GABBR1: variants seen among roughly 807,000 people sequenced by gnomAD.
The protein encoded by GABBR1 is gamma-aminobutyric acid type B receptor subunit 1.
In GABBR1, 35 loss-of-function variants were observed where a neutral mutation model predicts 117.7. The ratio of observed to expected loss-of-function variants is 0.30; its 90% CI spans 0.23 to 0.39. The LOEUF (loss-of-function observed/expected upper bound fraction) is 0.39, where lower values mean the gene tolerates loss of function less well. Ranked by LOEUF, GABBR1 falls within the 10% of genes least tolerant of loss-of-function variation. GABBR1 has a pLI of 1.00. For missense variants in GABBR1, 709 were observed against 1,241.8 expected, an observed-to-expected ratio of 0.57 and a Z score of 6.45; for synonymous variants, 442 against 486.6, an observed-to-expected ratio of 0.91 and a Z score of 1.21.
Position 29,607,236 on chromosome 6 carries a change from G to A in GABBR1, c.1993-18C>T. The A allele has an allele frequency of 6.3e-7, 1 of 1,594,690 alleles. No individual in the cohort carries two copies. Among genetic ancestry groups the A allele is most frequent in the Non-Finnish European group, 8.6e-7 (1 of 1,162,822 alleles). ...AGGCGGGCCTAGAAAGGAAGAGAGG[G>A]CACAGGCAGAACAGGGTAGAGTAGT... On this transcript the variant is annotated intron_variant, in intron 16 of 22. Coordinates refer to ENST00000377034, the MANE Select transcript of GABBR1 (RefSeq NM_001470.4). This position sits in a 1 kb window ranked among gnomAD's most constrained non-coding sequence, Gnocchi z 5.0.
chr6:29,629,537 C>T (rs1021394424), intron 4 of GABBR1, among the ~76,000 whole-genome samples: 2 of 152,144 alleles, frequency 1.3e-5, no homozygotes, highest in Non-Finnish European at 2.9e-5. Flanking sequence ...TATTAGAGCA[C>T]AGGAAGAGGG....
chr6:29,604,317 C>T lies in GABBR1; in HGVS notation c.2712+177G>A, dbSNP rs1442330413. Among the ~76,000 whole-genome samples, 1 of 152,138 alleles carries T rather than the reference C, an allele frequency of 6.6e-6. No homozygotes were observed. On this transcript the variant is annotated intron_variant, in intron 22 of 22. Coordinates refer to ENST00000377034, the MANE Select transcript of GABBR1 (RefSeq NM_001470.4). The surrounding 1 kb of genome is among the most constrained non-coding windows in gnomAD (Gnocchi z 5.3). Reference sequence around the variant, plus strand: ...TTGCCTGAGATAGAATCTTGCTCAGCCCTTTCCCCTCCCCTATGCTGCTCC... The same window carrying T: ...TTGCCTGAGATAGAATCTTGCTCAGTCCTTTCCCCTCCCCTATGCTGCTCC...
At chr6:29,628,228 G>A (rs1424751732) in intron 5 of GABBR1, 5 of 940,400 alleles carry the variant, frequency 5.3e-6, no homozygotes, top group Non-Finnish European at 6.3e-6. Context: ...GGAAAGGAAC[G>A]AAAGAGGAAG....
In GABBR1 at chr6:29,603,537, C is replaced by T. The variant is rs1419788023; in HGVS notation, c.*6G>A. ...CCCTACTGGCCTGTCCTCCCTCACC[C>T]TACCCTCACTTATAAAGCAAATGCA... is the stretch of plus-strand genomic sequence containing the variant. On this transcript the variant is annotated 3_prime_UTR_variant, in exon 23 of 23. Coordinates refer to ENST00000377034, the MANE Select transcript of GABBR1 (RefSeq NM_001470.4). The T allele has an allele frequency of 1.9e-6, 3 of 1,558,830 alleles. No individual in the cohort carries two copies. The highest frequency in any genetic ancestry group is 1.2e-5 in the South Asian group (1 of 83,294).
At position 29,606,430 on chromosome 6, in the gene GABBR1, G is replaced by T; in HGVS notation, c.2272C>A (p.Leu758Met). ...ATCTTCCTGGAGCTGCAATGCTCCA[G>T]CTGGGGCAGAATAGAGACGTCAATA... ...EDIDVSILPQ[L>M]EHCSSRKMNT... Residue 758 changes from leucine to methionine, a missense_variant, in exon 19 of 23, where the codon CTG (leucine) becomes ATG (methionine). This residue lies in a region of GABBR1 where 251 missense variants were observed against 445.3 expected (regional missense o/e 0.56). Transcript: ENST00000377034. This position sits in a 1 kb window ranked among gnomAD's most constrained non-coding sequence, Gnocchi z 4.5. 6.2e-7 allele frequency: 1 copy of T among 1,612,952 alleles called. No individual in the cohort carries two copies. Among genetic ancestry groups the T allele is most frequent in the Non-Finnish European group, 8.5e-7 (1 of 1,179,856 alleles).
rs1761947673 is a variant in GABBR1, at chr6:29,606,308, C to T, written c.2311+83G>A. 4.2e-6 allele frequency: 4 copies of T among 942,610 alleles called. No individual in the cohort carries two copies. Among genetic ancestry groups the T allele is most frequent in the South Asian group, 1.3e-5 (1 of 76,034 alleles). The allele number at this position is 942,610 out of a possible 1,614,324, so 58.4% of individuals were successfully genotyped here. On this transcript the variant is annotated intron_variant, in intron 19 of 22. Transcript: ENST00000377034. This position sits in a 1 kb window ranked among gnomAD's most constrained non-coding sequence, Gnocchi z 4.5. ...AGCTCTCTACCTCCTCTTCCAAAGA[C>T]CCCTCTCCCTCCAAGCCCTCTACCC...
At chr6:29,614,561 A>G (rs1418609297) in intron 11 of GABBR1, among the ~76,000 whole-genome samples, 1 of 152,240 alleles carries the variant, frequency 6.6e-6, no homozygotes, top group Admixed American at 6.5e-5. Context: ...TTGCTACTAC[A>G]CTGGGCTTTG....
rs1438353100 is a variant in GABBR1, at chr6:29,605,056, C to T, written c.2440-68G>A. 15 of 1,486,308 alleles carry T rather than the reference C, an allele frequency of 1.0e-5. No homozygotes were observed. The highest frequency in any genetic ancestry group is 1.4e-5 in the Non-Finnish European group (15 of 1,109,210). 92.1% of individuals were successfully genotyped at this position (1,486,308 alleles called of 1,614,324 possible). A position where few individuals can be genotyped will look rare whatever the true frequency, so the allele number is the denominator to read the frequency against. ...TCAGACAAGATCCAGAGTTTACTTC[C>T]CATGGGAGGGAGTCTATGCAGACAG... On this transcript the variant is annotated intron_variant, in intron 20 of 22. Transcript: ENST00000377034. This position sits in a 1 kb window ranked among gnomAD's most constrained non-coding sequence, Gnocchi z 4.2.
At chr6:29,624,071 CCT>C (rs1764028941) in intron 6 of GABBR1, 47 bp from the exon 7 acceptor site, 1 of 1,532,582 alleles carries the variant, frequency 6.5e-7, no homozygotes, top group Non-Finnish European at 8.8e-7. Context: ...GGGCCCCTCC[CCT>C]GTCTGCAATT....
chr6:29,610,346 T>C (rs563899960), intron 14 of GABBR1, among the ~76,000 whole-genome samples: 1 of 152,196 alleles, frequency 6.6e-6, no homozygotes, highest in South Asian at 2.1e-4. Flanking sequence ...GGTGCACTGT[T>C]CGGGTGACAG....
At chr6:29,616,083 C>T (rs1019634179) in intron 11 of GABBR1, among the ~76,000 whole-genome samples, 1 of 152,128 alleles carries the variant, frequency 6.6e-6, no homozygotes, top group African/African-American at 2.4e-5. Flanking sequence ...TGCCTGTAAT[C>T]CCAGCTACTC....
chr6:29,604,383 T>G lies in GABBR1; in HGVS notation c.2712+111A>C. The G allele has an allele frequency of 7.3e-7, 1 of 1,371,352 alleles. No homozygotes were observed. Among genetic ancestry groups the G allele is most frequent in the Non-Finnish European group, 1.0e-6 (1 of 970,300 alleles). The allele number at this position is 1,371,352 out of a possible 1,614,324, so 84.9% of individuals were successfully genotyped here. ...GTTGTCTCCTAGGACCCTCCCTCCATGAGCCAAGAACATCTGACCCTGTAT... is the reference window on the plus strand; with the variant it reads ...GTTGTCTCCTAGGACCCTCCCTCCAGGAGCCAAGAACATCTGACCCTGTAT... On this transcript the variant is annotated intron_variant, in intron 22 of 22. Coordinates refer to ENST00000377034, the MANE Select transcript of GABBR1 (RefSeq NM_001470.4). This position sits in a 1 kb window ranked among gnomAD's most constrained non-coding sequence, Gnocchi z 5.3.
Position 29,622,803 on chromosome 6 carries a change from C to T in GABBR1, c.963+502G>A, listed in dbSNP as rs966026912. Among the ~76,000 whole-genome samples the T allele has an allele frequency of 6.6e-6, 1 of 152,002 alleles. No individual in the cohort carries two copies. ...GGCTTCTCTCTCTTAGTACCAACTA[C>T]CAGATCCATGCAGCTGCCTTTCTGC... On this transcript the variant is annotated intron_variant, in intron 8 of 22. Transcript: ENST00000377034. The surrounding 1 kb of genome is among the most constrained non-coding windows in gnomAD (Gnocchi z 4.6).
At position 29,604,050 on chromosome 6, in the gene GABBR1, C is replaced by A. The variant is rs1314616358; in HGVS notation, c.2713-334G>T. ...GTGTCAACCCAGTTGGAACATCCCT[C>A]TCTTTGGCATTGCACCAGCCCCTAA... On this transcript the variant is annotated intron_variant, in intron 22 of 22. Transcript: ENST00000377034. This position sits in a 1 kb window ranked among gnomAD's most constrained non-coding sequence, Gnocchi z 5.3. 6.6e-6 allele frequency among the ~76,000 whole-genome samples: 1 copy of A among 152,122 alleles called. No individual in the cohort carries two copies. Among genetic ancestry groups the A allele is most frequent in the Non-Finnish European group, 1.5e-5 (1 of 68,030 alleles).
chr6:29,603,746 G>C, intron 22 of GABBR1, 30 bp from the exon 23 acceptor site: 3 of 1,444,294 alleles, frequency 2.1e-6, no homozygotes, highest in Non-Finnish European at 2.7e-6. Context: ...TGGGATAGTA[G>C]GAGAAGAGGA....
At position 29,605,226 on chromosome 6, in the gene GABBR1, T is replaced by G. The variant is rs1761827955; in HGVS notation, c.2440-238A>C. The G allele has an allele frequency of 5.2e-6, 3 of 576,630 alleles. No homozygotes were observed. Among genetic ancestry groups the G allele is most frequent in the Admixed American group, 6.9e-5 (2 of 29,010 alleles). The allele number at this position is 576,630 out of a possible 1,614,324, so 35.7% of individuals were successfully genotyped here. ...AAGGCAGGAACTCCCAGGATCTCTATGCACAGATTCCGGGTCCTCCAGAGT... is the reference window on the plus strand; with the variant it reads ...AAGGCAGGAACTCCCAGGATCTCTAGGCACAGATTCCGGGTCCTCCAGAGT... On this transcript the variant is annotated intron_variant, in intron 20 of 22. Coordinates refer to ENST00000377034, the MANE Select transcript of GABBR1 (RefSeq NM_001470.4). This position sits in a 1 kb window ranked among gnomAD's most constrained non-coding sequence, Gnocchi z 4.2.
Position 29,607,333 on chromosome 6 carries a change from G to A in GABBR1, c.1993-115C>T. 1 of 792,512 alleles carries A rather than the reference G, an allele frequency of 1.3e-6. No individual in the cohort carries two copies. Among genetic ancestry groups the A allele is most frequent in the Non-Finnish European group, 2.1e-6 (1 of 465,322 alleles). 49.1% of individuals were successfully genotyped at this position (792,512 alleles called of 1,614,324 possible). A position where few individuals can be genotyped will look rare whatever the true frequency, so the allele number is the denominator to read the frequency against. On this transcript the variant is annotated intron_variant, in intron 16 of 22. Transcript: ENST00000377034. This position sits in a 1 kb window ranked among gnomAD's most constrained non-coding sequence, Gnocchi z 5.0. ...CAGGGAGCACGGGCAGGGAGCTCAT[G>A]GTGGCACAGGGAGGATGCGAAAATG...
chr6:29,632,210 G>C lies in GABBR1; in HGVS notation c.85+91C>G. 1 of 784,720 alleles carries C rather than the reference G, an allele frequency of 1.3e-6. No individual in the cohort carries two copies. The highest frequency in any genetic ancestry group is 1.9e-6 in the Non-Finnish European group (1 of 527,250). 48.6% of individuals were successfully genotyped at this position (784,720 alleles called of 1,614,324 possible). On this transcript the variant is annotated intron_variant, in intron 2 of 22. Transcript: ENST00000377034. The surrounding 1 kb of genome is among the most constrained non-coding windows in gnomAD (Gnocchi z 5.8). ...CCAGACCGGGATGATATGTGGGACT[G>C]ATGGGATAGTGATGAGGACCAGAAA...
At position 29,630,080 on chromosome 6, in the gene GABBR1, G is replaced by T; in HGVS notation, c.475+378C>A. ...AATCAATTATATAAGGAATGGTGAG[G>T]GATGAATTCTAGAAGAGGGTGATGC... On this transcript the variant is annotated intron_variant, in intron 4 of 22. Coordinates refer to ENST00000377034, the MANE Select transcript of GABBR1 (RefSeq NM_001470.4). The surrounding 1 kb of genome is among the most constrained non-coding windows in gnomAD (Gnocchi z 4.9). 1 of 208,860 alleles carries T rather than the reference G, an allele frequency of 4.8e-6. No homozygotes were observed. The highest frequency in any genetic ancestry group is 9.5e-6 in the Non-Finnish European group (1 of 105,728). The allele number at this position is 208,860 out of a possible 1,614,324, so 12.9% of individuals were successfully genotyped here. A position where few individuals can be genotyped will look rare whatever the true frequency, so the allele number is the denominator to read the frequency against.
Sources: gnomAD v4.1 joint callset for allele counts (sites outside exome capture counted in the v4.1 genomes callset) on GRCh38, gnomAD v4.1.1 for gene constraint, gnomAD v4.1.1 regional missense constraint, Gnocchi (gnomAD v3.1) non-coding constraint, MANE v1.5 for transcripts, NCBI Gene and HGNC (gene_info 2026-07-23, HGNC 2026-07-21) for gene names.